Variants in MOXD1 observed in about 807,000 individuals in gnomAD.
MOXD1 encodes DBH-like monooxygenase protein 1.
MOXD1 carries 62 observed loss-of-function variants against 66.6 expected under a neutral mutation model. The ratio of observed to expected loss-of-function variants is 0.93; its 90% CI spans 0.76 to 1.15. The LOEUF is 1.15. Ranked by LOEUF, MOXD1 falls within the 50% of genes most tolerant of loss-of-function variation. MOXD1 has a pLI of 0.00. For missense variants in MOXD1, 847 were observed against 754.6 expected (o/e 1.12, Z -1.44); for synonymous variants, 303 against 281.9 (o/e 1.07, Z -0.75).
intron 10 of MOXD1, among the ~76,000 whole-genome samples, chr6:132,306,578 A>G (rs575564067): frequency 6.6e-6 from 1 of 152,306 alleles, no homozygotes; most frequent in Admixed American, 6.5e-5. Context: ...TCCAAGGTCA[A>G]AATGGAGGAC....
chr6:132,396,053 T>A (rs1320058094), intron 1 of MOXD1, among the ~76,000 whole-genome samples: 1 of 152,152 alleles, frequency 6.6e-6, no homozygotes, highest in Admixed American at 6.6e-5. Flanking sequence ...TAACAGACAT[T>A]TACAGAACAT....
At position 132,336,920 on chromosome 6, in the gene MOXD1, C is replaced by T. The variant is rs149897661; in HGVS notation, c.664-8326G>A. Among the ~76,000 whole-genome samples, 563 of 152,184 alleles carry T rather than the reference C, an allele frequency of 3.7e-3. 4 individuals are homozygous for T. Among genetic ancestry groups the T allele is most frequent in the African/African-American group, 0.013 (526 of 41,500 alleles). ...CCAGCCTATCTTGGAACTTTTCAAACGACGAAAAAGAATTCAACCCCCTCT... is the reference window on the plus strand; with the variant it reads ...CCAGCCTATCTTGGAACTTTTCAAATGACGAAAAAGAATTCAACCCCCTCT... On this transcript the variant is annotated intron_variant, in intron 4 of 11. Transcript: ENST00000367963.
At chr6:132,303,708 T>TACACACACAC (rs1230084737) in intron 10 of MOXD1, among the ~76,000 whole-genome samples, 35 of 135,978 alleles carry the variant, frequency 2.6e-4, no homozygotes, top group African/African-American at 8.6e-4. Context: ...ACTGTATACA[T>TACACACACAC]ACACACACAC....
intron 1 of MOXD1, among the ~76,000 whole-genome samples, chr6:132,383,984 C>T (rs564286805): frequency 1.2e-4 from 19 of 152,130 alleles, no homozygotes; most frequent in Non-Finnish European, 4.4e-5. Context: ...GCTGGAGAAT[C>T]ACTTGAACCC....
At chr6:132,390,265 G>A (rs1260220991) in intron 1 of MOXD1, among the ~76,000 whole-genome samples, 1 of 151,454 alleles carries the variant, frequency 6.6e-6, no homozygotes, top group East Asian at 1.9e-4. Flanking sequence ...GTTCTTTGAT[G>A]CCTATGCCAG....
intron 4 of MOXD1, among the ~76,000 whole-genome samples, chr6:132,357,525 GA>G: frequency 6.6e-6 from 1 of 151,918 alleles, no homozygotes; most frequent in African/African-American, 2.4e-5. Context: ...TAAAAGTAAT[GA>G]ATTCCAAGTT....
At chr6:132,380,983 T>C (rs191008714) in intron 1 of MOXD1, among the ~76,000 whole-genome samples, 3 of 152,330 alleles carry the variant, frequency 2.0e-5, no homozygotes, top group Admixed American at 6.5e-5. Flanking sequence ...GCAACAACTA[T>C]TTTAAATCCT....
chr6:132,374,322 G>A (rs897384843), intron 2 of MOXD1, among the ~76,000 whole-genome samples: 1 of 151,906 alleles, frequency 6.6e-6, no homozygotes, highest in Non-Finnish European at 1.5e-5. Context: ...TTTATCTGTT[G>A]TGTATTTTCA....
chr6:132,306,235 G>A (rs1334860864), intron 10 of MOXD1, among the ~76,000 whole-genome samples: 4 of 151,470 alleles, frequency 2.6e-5, no homozygotes, highest in East Asian at 1.9e-4. Context: ...ATCAACAGCC[G>A]AATCAACCAA....
intron 8 of MOXD1, 69 bp from the exon 9 acceptor site, chr6:132,320,757 C>T (rs1036722049): frequency 1.8e-5 from 23 of 1,285,326 alleles, no homozygotes; most frequent in South Asian, 2.6e-5. Context: ...TACATTTGTA[C>T]GTCAACAGTT....
intron 1 of MOXD1, among the ~76,000 whole-genome samples, chr6:132,389,565 G>C (rs1488257864): frequency 6.6e-6 from 1 of 151,562 alleles, no homozygotes; most frequent in Non-Finnish European, 1.5e-5. Flanking sequence ...ATTGTGCTTT[G>C]ACTGGTGGGG....
chr6:132,370,445 A>AT (rs1338069376), intron 4 of MOXD1, among the ~76,000 whole-genome samples: 1 of 151,990 alleles, frequency 6.6e-6, no homozygotes, highest in Non-Finnish European at 1.5e-5. Flanking sequence ...AGTTTTCTTT[A>AT]TTTTTTGAAT....
At chr6:132,315,550 A>G in intron 10 of MOXD1, 85 bp downstream of exon 10, 1 of 1,406,864 alleles carries the variant, frequency 7.1e-7, no homozygotes, top group Non-Finnish European at 9.7e-7. Flanking sequence ...AAATTTCTAT[A>G]ATGTGGTAAT....
chr6:132,317,891 T>C (rs1774993080), intron 9 of MOXD1, among the ~76,000 whole-genome samples: 1 of 152,100 alleles, frequency 6.6e-6, no homozygotes, highest in Non-Finnish European at 1.5e-5. Context: ...TATTGAAGTA[T>C]GTATCCCTAA....
At chr6:132,301,058 A>G (rs1274057983) in intron 10 of MOXD1, among the ~76,000 whole-genome samples, 1 of 152,148 alleles carries the variant, frequency 6.6e-6, no homozygotes, top group Non-Finnish European at 1.5e-5. Flanking sequence ...GTAACCTTAA[A>G]GTAGCAAGTA....
At chr6:132,401,050 G>T in intron 1 of MOXD1, 113 bp downstream of exon 1, 1 of 1,282,838 alleles carries the variant, frequency 7.8e-7, no homozygotes, top group Non-Finnish European at 1.0e-6. Flanking sequence ...GCGCGGGGCT[G>T]CGCCAGGTGA....
At chr6:132,310,886 A>G (rs1365511355) in intron 10 of MOXD1, among the ~76,000 whole-genome samples, 1 of 152,146 alleles carries the variant, frequency 6.6e-6, no homozygotes, top group Non-Finnish European at 1.5e-5. Context: ...AAGATGGGCC[A>G]ATAAGTGCAG....
intron 10 of MOXD1, among the ~76,000 whole-genome samples, chr6:132,304,857 C>T (rs997814386): frequency 2.6e-5 from 4 of 151,924 alleles, no homozygotes; most frequent in Admixed American, 6.6e-5. Context: ...CAAAATACTG[C>T]CAAGAATATT....
At chr6:132,350,854 A>G (rs1475632606) in intron 4 of MOXD1, among the ~76,000 whole-genome samples, 1 of 151,812 alleles carries the variant, frequency 6.6e-6, no homozygotes, top group Non-Finnish European at 1.5e-5. Context: ...TTGGTTAGGT[A>G]TATTTCTAAG....
Sources: allele counts gnomAD v4.1 joint callset (sites outside exome capture counted in the v4.1 genomes callset), GRCh38; gene constraint gnomAD v4.1.1; transcripts MANE v1.5; gene names NCBI Gene and HGNC (gene_info 2026-07-23, HGNC 2026-07-21).